Variants in RCSD1 observed in about 807,000 individuals in gnomAD.
RCSD1 encodes the protein RCSD domain containing 1.
RCSD1 carries 26 observed loss-of-function variants against 42.5 expected under a neutral mutation model. That is an observed-to-expected ratio of 0.61 (90% confidence interval 0.45 to 0.85). The LOEUF is 0.85. RCSD1 is among the 40% of genes least tolerant of loss of function. The pLI, the probability that RCSD1 is intolerant of heterozygous loss-of-function variation, is 0.00. For synonymous variants in RCSD1, 220 were observed against 212.2 expected (o/e 1.04, Z -0.32); for missense variants, 571 against 528.3 (o/e 1.08, Z -0.79).
chr1:167,637,744 A>G (rs986346582), intron 1 of RCSD1, among the ~76,000 whole-genome samples: 3 of 151,984 alleles, frequency 2.0e-5, no homozygotes, highest in Admixed American at 2.0e-4. Flanking sequence ...ACACACACAC[A>G]CACACACACA....
In RCSD1 at chr1:167,682,668, A is replaced by AGTGTGTGTGT. The variant is rs10607777; in HGVS notation, c.7-1199_7-1190dup. ...TAGCACAAAAGGAGGGCCATGGAAG[A>AGTGTGTGTGT]GTGTGTGTGTGTGTGTGTGTGTGTG... On this transcript the variant is annotated intron_variant, in intron 1 of 6. Coordinates refer to ENST00000367854, the MANE Select transcript of RCSD1 (RefSeq NM_052862.4). 7.2e-3 allele frequency among the ~76,000 whole-genome samples: 1,030 copies of AGTGTGTGTGT among 142,690 alleles called. 6 individuals are homozygous for AGTGTGTGTGT. Among genetic ancestry groups the AGTGTGTGTGT allele is most frequent in the Non-Finnish European group, 0.012 (768 of 65,432 alleles). 93.6% of individuals were successfully genotyped at this position (142,690 alleles called of 152,430 possible).
At chr1:167,677,500 T>C (rs1253686011) in intron 1 of RCSD1, among the ~76,000 whole-genome samples, 3 of 152,234 alleles carry the variant, frequency 2.0e-5, no homozygotes, top group African/African-American at 7.2e-5. Context: ...TTGAAGCCTT[T>C]AATATTTAAA....
Position 167,697,192 on chromosome 1 carries a change from G to A in RCSD1, c.568G>A (p.Val190Met), listed in dbSNP as rs779566501. 4 of 1,614,220 alleles carry A rather than the reference G, an allele frequency of 2.5e-6. No individual in the cohort carries two copies. Among genetic ancestry groups the A allele is most frequent in the Middle Eastern group, 1.6e-4 (1 of 6,062 alleles). Residue 190 changes from valine (V) to methionine (M), a missense_variant, in exon 6 of 7, where the codon GTG becomes ATG. Val to Met is a conservative substitution (Grantham distance 21). Transcript: ENST00000367854. ...DCGELGDFRA[V>M]ESSQQNGAKE... ...TGGAGAACTTGGAGATTTCAGGGCG[G>A]TGGAGTCATCTCAGCAGAACGGTGC...
intron 1 of RCSD1, among the ~76,000 whole-genome samples, chr1:167,632,648 G>A (rs1385328131): frequency 6.6e-6 from 1 of 152,066 alleles, no homozygotes. Context: ...GGAGGGAATA[G>A]CTCAGCCAGC....
intron 4 of RCSD1, among the ~76,000 whole-genome samples, chr1:167,691,390 C>A (rs962743569): frequency 6.6e-6 from 1 of 152,194 alleles, no homozygotes; most frequent in African/African-American, 2.4e-5. Flanking sequence ...TTAAGGAATG[C>A]GTGGCTGAAA....
rs140224946 is a variant in RCSD1 at position 167,690,173 on chromosome 1, A to G, written c.270+53A>G. On this transcript the variant is annotated intron_variant, in intron 4 of 6. Coordinates refer to ENST00000367854, the MANE Select transcript of RCSD1 (RefSeq NM_052862.4). ...TACCTTTTATCTAACTCCACTTCTTATCCAAAATTTGCATGACTTTGAGGC... is the reference window on the plus strand; with the variant it reads ...TACCTTTTATCTAACTCCACTTCTTGTCCAAAATTTGCATGACTTTGAGGC... 13 of 1,571,430 alleles carry G rather than the reference A, an allele frequency of 8.3e-6. No individual in the cohort carries two copies. The East Asian group carries it at 2.9e-4, about 35-fold the overall frequency.
intron 1 of RCSD1, among the ~76,000 whole-genome samples, chr1:167,682,666 A>AGT (rs1298200640): frequency 8.9e-6 from 1 of 112,634 alleles, no homozygotes; most frequent in Non-Finnish European, 1.8e-5. Context: ...GGGCCATGGA[A>AGT]GAGTGTGTGT....
chr1:167,656,643 C>T (rs1658431231), intron 1 of RCSD1, among the ~76,000 whole-genome samples: 1 of 152,170 alleles, frequency 6.6e-6, no homozygotes. Context: ...AACAGCAGCT[C>T]CATTCATTTG....
intron 1 of RCSD1, among the ~76,000 whole-genome samples, chr1:167,678,551 C>A (rs1229615836): frequency 6.6e-6 from 1 of 152,182 alleles, no homozygotes; most frequent in Admixed American, 6.5e-5. Flanking sequence ...TCCCATCCCC[C>A]TGCACAAGCC....
At chr1:167,668,061 C>T (rs182584180) in intron 1 of RCSD1, among the ~76,000 whole-genome samples, 1 of 152,140 alleles carries the variant, frequency 6.6e-6, no homozygotes, top group Admixed American at 6.5e-5. Flanking sequence ...GAGGCCAAGG[C>T]GGATGGATCA....
intron 1 of RCSD1, chr1:167,641,471 C>G (rs1227013773): frequency 1.3e-5 from 2 of 152,182 alleles, no homozygotes; most frequent in Admixed American, 6.5e-5. Flanking sequence ...GTAATCTCAG[C>G]ACTTTGGGAG....
chr1:167,643,912 G>C (rs138128906), intron 1 of RCSD1, among the ~76,000 whole-genome samples: 1 of 152,168 alleles, frequency 6.6e-6, no homozygotes, highest in Non-Finnish European at 1.5e-5. Flanking sequence ...ACTGGGACAC[G>C]GGATGGACAA....
At chr1:167,637,508 G>C (rs1257433696) in intron 1 of RCSD1, among the ~76,000 whole-genome samples, 2 of 152,142 alleles carry the variant, frequency 1.3e-5, no homozygotes, top group Non-Finnish European at 2.9e-5. Context: ...CACAAGTGCT[G>C]CTCTTCCCCC....
At chr1:167,680,257 T>A (rs764258484) in intron 1 of RCSD1, among the ~76,000 whole-genome samples, 1 of 151,550 alleles carries the variant, frequency 6.6e-6, no homozygotes, top group Non-Finnish European at 1.5e-5. Flanking sequence ...CAAGCTGAAG[T>A]CAAGGCAATG....
At chr1:167,643,508 A>G (rs781392671) in intron 1 of RCSD1, among the ~76,000 whole-genome samples, 39 of 152,258 alleles carry the variant, frequency 2.6e-4, no homozygotes, top group Non-Finnish European at 4.8e-4. Context: ...AATCCCCATC[A>G]TAGGTTCTAA....
In RCSD1 at chr1:167,687,522, C is replaced by CAA. The variant is rs111700732; in HGVS notation, c.198+2027_198+2028dup. Among the ~76,000 whole-genome samples the CAA allele has an allele frequency of 7.7e-3, 682 of 88,536 alleles. 6 individuals are homozygous for CAA. Among genetic ancestry groups the CAA allele is most frequent in the African/African-American group, 0.022 (642 of 29,516 alleles). 58.1% of individuals were successfully genotyped at this position (88,536 alleles called of 152,430 possible). Reference sequence around the variant, plus strand: ...TGGGTGACACAGCAAGACTCCGTCTCAAAAAAAAAAAAAAAAGAAAAGAAA... The same window carrying CAA: ...TGGGTGACACAGCAAGACTCCGTCTCAAAAAAAAAAAAAAAAAAGAAAAGAAA... On this transcript the variant is annotated intron_variant, in intron 3 of 6. Coordinates refer to ENST00000367854, the MANE Select transcript of RCSD1 (RefSeq NM_052862.4).
At chr1:167,687,167 G>GA (rs1164487816) in intron 3 of RCSD1, among the ~76,000 whole-genome samples, 1 of 152,196 alleles carries the variant, frequency 6.6e-6, no homozygotes, top group Non-Finnish European at 1.5e-5. Context: ...TGCCTGGAGT[G>GA]ACAGGCTGCT....
chr1:167,636,629 G>T (rs1657862344), intron 1 of RCSD1, among the ~76,000 whole-genome samples: 1 of 151,228 alleles, frequency 6.6e-6, no homozygotes, highest in African/African-American at 2.4e-5. Context: ...TGCTCTTGTT[G>T]CCCAGGCTAG....
chr1:167,694,067 C>A lies in RCSD1; in HGVS notation c.271-32C>A, dbSNP rs1007151316. 4 of 1,607,080 alleles carry A rather than the reference C, an allele frequency of 2.5e-6. No homozygotes were observed. In the African/African-American group the frequency reaches 4.0e-5, roughly 16 times the overall value. On this transcript the variant is annotated intron_variant, in intron 4 of 6. Transcript: ENST00000367854. ...TAGAGGCTCTGATCTTCTCCCTAGT[C>A]CTATTTGAAATTGTTCATCTTTTCT...
Sources: allele counts gnomAD v4.1 joint callset (sites outside exome capture counted in the v4.1 genomes callset), GRCh38; gene constraint gnomAD v4.1.1; transcripts MANE v1.5; gene names NCBI Gene and HGNC (gene_info 2026-07-23, HGNC 2026-07-21).